Variants in INPP4B observed in about 807,000 individuals in gnomAD.
The protein encoded by INPP4B is inositol polyphosphate-4-phosphatase type II B.
INPP4B carries 55 observed loss-of-function variants against 122.5 expected under a neutral mutation model. The observed-to-expected ratio is 0.45, with a 90% CI of 0.36 to 0.56. The LOEUF is 0.56. INPP4B is among the 20% of genes least tolerant of loss of function. INPP4B has a pLI of 0.00. For synonymous variants in INPP4B, 403 were observed against 388.7 expected (o/e 1.04, Z -0.43); for missense variants, 1,000 against 1,097.7 (o/e 0.91, Z 1.26).
intron 2 of INPP4B, among the ~76,000 whole-genome samples, chr4:142,613,669 T>C: frequency 6.6e-6 from 1 of 152,220 alleles, no homozygotes; most frequent in African/African-American, 2.4e-5. Flanking sequence ...AAGAGAAATG[T>C]TTAAATCATT....
chr4:142,815,110 T>G (rs1779965519), intron 1 of INPP4B, among the ~76,000 whole-genome samples: 1 of 152,054 alleles, frequency 6.6e-6, no homozygotes, highest in Admixed American at 6.6e-5. Context: ...ATAAATCCAG[T>G]GGAATCAGGA....
chr4:142,341,932 C>A (rs1286591132), intron 7 of INPP4B, among the ~76,000 whole-genome samples: 1 of 152,058 alleles, frequency 6.6e-6, no homozygotes, highest in African/African-American at 2.4e-5. Context: ...AGTTAAGCCT[C>A]CAGATGAGAA....
intron 25 of INPP4B, chr4:142,029,905 G>A (rs1738718708): frequency 8.4e-7 from 1 of 1,193,538 alleles, no homozygotes; most frequent in Non-Finnish European, 1.0e-6. Context: ...TTCTTCTTGA[G>A]CTAGTTAACA....
chr4:142,451,711 G>A (rs1814269869), intron 3 of INPP4B, among the ~76,000 whole-genome samples: 1 of 152,168 alleles, frequency 6.6e-6, no homozygotes, highest in Non-Finnish European at 1.5e-5. Flanking sequence ...ATCACAGTGA[G>A]TAATCCATGA....
At chr4:142,825,548 T>G (rs1179108632) in intron 1 of INPP4B, among the ~76,000 whole-genome samples, 1 of 152,086 alleles carries the variant, frequency 6.6e-6, no homozygotes, top group Non-Finnish European at 1.5e-5. Context: ...AAGCTTATAA[T>G]CTAGTAGAGT....
At chr4:142,468,658 G>T (rs1186009655) in intron 2 of INPP4B, among the ~76,000 whole-genome samples, 1 of 152,046 alleles carries the variant, frequency 6.6e-6, no homozygotes, top group Admixed American at 6.6e-5. Flanking sequence ...GCTCTCTCTT[G>T]CTTCCTCTCT....
intron 25 of INPP4B, among the ~76,000 whole-genome samples, chr4:142,067,111 C>T (rs1041968875): frequency 1.3e-5 from 2 of 152,144 alleles, no homozygotes; most frequent in Non-Finnish European, 2.9e-5. Flanking sequence ...CTGGGTGCCC[C>T]TCTGAGACGA....
At chr4:142,030,419 T>C in intron 25 of INPP4B, 1 of 843,054 alleles carries the variant, frequency 1.2e-6, no homozygotes, top group Middle Eastern at 2.9e-4. Flanking sequence ...AACACAACTC[T>C]TTCAGATGAA....
intron 2 of INPP4B, among the ~76,000 whole-genome samples, chr4:142,642,621 G>A (rs1249221620): frequency 9.9e-5 from 15 of 152,100 alleles, no homozygotes; most frequent in Admixed American, 7.2e-4. Flanking sequence ...TGTTCCATTG[G>A]TCTATATCTC....
chr4:142,418,390 G>A (rs1021967288), intron 5 of INPP4B, among the ~76,000 whole-genome samples: 4 of 152,076 alleles, frequency 2.6e-5, no homozygotes, highest in African/African-American at 4.8e-5. Flanking sequence ...TTTATTGAAC[G>A]TCCAAATGTG....
intron 15 of INPP4B, among the ~76,000 whole-genome samples, chr4:142,179,369 A>G (rs763967680): frequency 6.8e-6 from 1 of 147,064 alleles, no homozygotes; most frequent in Non-Finnish European, 1.5e-5. Flanking sequence ...GCTACTCAGG[A>G]GGCTGAGGTA....
chr4:142,828,078 C>A (rs887226229), intron 1 of INPP4B, among the ~76,000 whole-genome samples: 5 of 151,862 alleles, frequency 3.3e-5, no homozygotes, highest in Non-Finnish European at 5.9e-5. Flanking sequence ...TTCTTTCACA[C>A]CAAAGTCCTA....
At chr4:142,838,248 A>T (rs1363051380) in intron 1 of INPP4B, among the ~76,000 whole-genome samples, 1 of 152,112 alleles carries the variant, frequency 6.6e-6, no homozygotes, top group Non-Finnish European at 1.5e-5. Context: ...ATATGATATA[A>T]TTCTAACAAT....
At chr4:142,316,649 A>G (rs1377467164) in intron 7 of INPP4B, among the ~76,000 whole-genome samples, 5 of 152,220 alleles carry the variant, frequency 3.3e-5, no homozygotes, top group African/African-American at 1.2e-4. Context: ...TAAATTTACA[A>G]ATAAAGTGAA....
At chr4:142,400,918 T>G (rs1480083330) in intron 7 of INPP4B, among the ~76,000 whole-genome samples, 2 of 152,164 alleles carry the variant, frequency 1.3e-5, no homozygotes, top group South Asian at 4.1e-4. Flanking sequence ...TAGAAACACA[T>G]TTGGCATGTA....
At chr4:142,348,538 G>A (rs910103600) in intron 7 of INPP4B, among the ~76,000 whole-genome samples, 2 of 151,932 alleles carry the variant, frequency 1.3e-5, no homozygotes, top group Non-Finnish European at 2.9e-5. Flanking sequence ...ATCAGTATGT[G>A]GGAGGCCCCT....
At chr4:142,331,126 G>A (rs1243669784) in intron 7 of INPP4B, among the ~76,000 whole-genome samples, 1 of 152,150 alleles carries the variant, frequency 6.6e-6, no homozygotes, top group African/African-American at 2.4e-5. Context: ...AGTGGGATGG[G>A]TATTTTGTCT....
chr4:142,159,438 G>T (rs1440553371), intron 17 of INPP4B, among the ~76,000 whole-genome samples: 2 of 151,858 alleles, frequency 1.3e-5, no homozygotes, highest in Admixed American at 6.6e-5. Context: ...AAAAGAAAAA[G>T]CAGGCATCAC....
chr4:142,182,752 C>T (rs1831463969), intron 15 of INPP4B, among the ~76,000 whole-genome samples: 1 of 152,020 alleles, frequency 6.6e-6, no homozygotes, highest in South Asian at 2.1e-4. Flanking sequence ...AAACCAGAAA[C>T]CTAAGAGTCC....
Sources: gnomAD v4.1 joint callset for allele counts (sites outside exome capture counted in the v4.1 genomes callset) on GRCh38, gnomAD v4.1.1 for gene constraint, MANE v1.5 for transcripts, NCBI Gene and HGNC (gene_info 2026-07-23, HGNC 2026-07-21) for gene names.